The following STAB1 variants were observed in gnomAD, a reference collection of about 807,000 sequenced individuals.
The protein encoded by STAB1 is stabilin 1.
STAB1 carries 250 observed loss-of-function variants against 332.4 expected under a neutral mutation model. The ratio of observed to expected loss-of-function variants is 0.75; its 90% CI spans 0.68 to 0.84. The LOEUF (loss-of-function observed/expected upper bound fraction) is 0.84. STAB1 is among the 40% of genes least tolerant of loss of function. The probability of loss-of-function intolerance (pLI) is 0.00; values close to 1 mark genes in which losing one functional copy is unlikely to be tolerated. For synonymous variants in STAB1, 1,475 were observed against 1,390.4 expected (o/e 1.06, Z -1.35); for missense variants, 3,249 against 3,489.7 (o/e 0.93, Z 1.74).
At position 52,521,385 on chromosome 3, in the gene STAB1, C is replaced by G; in HGVS notation, c.5933C>G (p.Pro1978Arg). Residue 1978 changes from proline (P) to arginine (R), a missense_variant, in exon 56 of 69, where the codon CCT (proline) becomes CGT (arginine). Physicochemically the swap from Pro to Arg is moderately radical, Grantham distance 103. Transcript: ENST00000321725. ...GCTTGCCCTGGCGGCCCCAGCAGCC[C>G]TTGTAGTGACCGTGGCGTGTGCATG... ...CQACPGGPSS[P>R]CSDRGVCMDG... 1 of 1,613,970 alleles carries G rather than the reference C, an allele frequency of 6.2e-7. No homozygotes were observed. The highest frequency in any genetic ancestry group is 8.5e-7 in the Non-Finnish European group (1 of 1,180,008).
intron 7 of STAB1, 66 bp downstream of exon 7, chr3:52,503,175 T>C: frequency 6.6e-7 from 1 of 1,518,030 alleles, no homozygotes; most frequent in Non-Finnish European, 8.9e-7. Flanking sequence ...GAGCATCCTT[T>C]AACCCAGCAA....
chr3:52,515,041 T>C lies in STAB1; in HGVS notation c.3860T>C (p.Leu1287Pro). The change falls in exon 36 of 69, where the codon CTG becomes CCG. Residue 1287 changes from leucine to proline, a missense_variant. By Grantham distance (98) the Leu-to-Pro change is moderately conservative (BLOSUM62 -3). Transcript: ENST00000321725. ...RRFRCTQGFQ[L>P]QDTPRKSCVY... The stretch of plus-strand genomic sequence containing the variant: ...TTCCGCTGCACTCAGGGCTTCCAGC[T>C]GCAGGTGAGACTGGGCTTAGCGCAG... The C allele has an allele frequency of 6.2e-7, 1 of 1,613,464 alleles. No individual in the cohort carries two copies.
chr3:52,514,122 G>A lies in STAB1; in HGVS notation c.3455G>A (p.Gly1152Glu), dbSNP rs774278308. The change falls in exon 33 of 69, where the codon GGG (glycine) becomes GAG (glutamate). Residue 1152 changes from glycine (G) to glutamate (E), a missense_variant. Coordinates refer to ENST00000321725, the MANE Select transcript of STAB1 (RefSeq NM_015136.3). ...CCTCCACCCCATCCCTAGCACCATG[G>A]GTTGGTGCCCCAGATTGAGGCTGCC... The part of the protein sequence containing the change: ...SLFRELLQHH[G>E]LVPQIEAATA... 9 of 1,613,204 alleles carry A rather than the reference G, an allele frequency of 5.6e-6. No homozygotes were observed. The highest frequency in any genetic ancestry group is 6.8e-6 in the Non-Finnish European group (8 of 1,179,938).
intron 5 of STAB1, 87 bp from the exon 6 acceptor site, chr3:52,502,545 C>G: frequency 1.6e-6 from 2 of 1,256,184 alleles, no homozygotes; most frequent in South Asian, 2.5e-5. Context: ...GAGCTGAGTT[C>G]TAAAAATACA....
At chr3:52,500,385 G>T (rs1380142824) in intron 1 of STAB1, among the ~76,000 whole-genome samples, 2 of 152,232 alleles carry the variant, frequency 1.3e-5, no homozygotes, top group Non-Finnish European at 2.9e-5. Flanking sequence ...GGCATGGCCC[G>T]TTGTCTCCTG....
At position 52,522,139 on chromosome 3, in the gene STAB1, G is replaced by GTGA. The variant is rs763639037; in HGVS notation, c.6377_6379dup (p.Asp2126dup). 4.9e-5 allele frequency: 79 copies of GTGA among 1,612,860 alleles called. No homozygotes were observed. Among genetic ancestry groups the GTGA allele is most frequent in the Non-Finnish European group, 6.6e-5 (78 of 1,180,018 alleles). Reference sequence around the variant, plus strand: ...TGTACCTGCCTGCCCGACTACGAGGGTGATGGCTGGAGCTGCCGGGCCCGC... The same window carrying GTGA: ...TGTACCTGCCTGCCCGACTACGAGGGTGATGATGGCTGGAGCTGCCGGGCCCGC... On this transcript the variant is annotated inframe_insertion, in exon 59 of 69. Transcript: ENST00000321725.
At chr3:52,512,983 G>T in intron 29 of STAB1, 25 bp downstream of exon 29, 1 of 1,602,074 alleles carries the variant, frequency 6.2e-7, no homozygotes, top group South Asian at 1.1e-5. Flanking sequence ...GCCAGGCTGT[G>T]GGAGGGGCTT....
rs1246654139 is a variant in STAB1 at position 52,523,942 on chromosome 3, G to A, written c.7467G>A (p.Leu2489=). The change falls in exon 67 of 69, where the codon CTG becomes CTA. Residue 2489 remains leucine (L), a synonymous_variant. Coordinates refer to ENST00000321725, the MANE Select transcript of STAB1 (RefSeq NM_015136.3). ...GVGAVLAAGA[L]LGLVAGALYL... is the part of the protein sequence containing the mutation. ...GGGCTGTGCTTGCCGCTGGAGCACT[G>A]CTTGGCTTGGTGGCCGGAGCTCTCT... 6 of 1,610,696 alleles carry A rather than the reference G, an allele frequency of 3.7e-6. No homozygotes were observed. The highest frequency in any genetic ancestry group is 2.2e-5 in the South Asian group (2 of 91,010).
intron 21 of STAB1, 67 bp downstream of exon 21, chr3:52,508,426 G>T: frequency 6.6e-7 from 1 of 1,522,752 alleles, no homozygotes; most frequent in Admixed American, 1.7e-5. Flanking sequence ...GTTGGCCAGT[G>T]ACTGGCTGTG....
At chr3:52,517,273 G>A (rs772231770) in intron 42 of STAB1, 47 bp from the exon 43 acceptor site, 4 of 1,524,712 alleles carry the variant, frequency 2.6e-6, no homozygotes, top group South Asian at 1.3e-5. Flanking sequence ...ACAGAGGAAG[G>A]GGGGGGCCAC....
intron 20 of STAB1, 114 bp downstream of exon 20, chr3:52,508,140 G>A (rs1709019864): frequency 7.3e-7 from 1 of 1,369,578 alleles, no homozygotes. Context: ...ACTGCAGCCT[G>A]ACGGTGGAAA....
chr3:52,518,953 C>T, intron 48 of STAB1, 84 bp downstream of exon 48: 2 of 1,220,182 alleles, frequency 1.6e-6, no homozygotes, highest in South Asian at 1.5e-5. Flanking sequence ...ACGGCCCACG[C>T]AGTCAAGAAC....
At chr3:52,496,038 C>T (rs1175133341) in intron 1 of STAB1, among the ~76,000 whole-genome samples, 1 of 152,232 alleles carries the variant, frequency 6.6e-6, no homozygotes, top group East Asian at 1.9e-4. Context: ...GGCAGGTCCC[C>T]TTGAATCCTC....
At position 52,524,347 on chromosome 3, in the gene STAB1, A is replaced by T; in HGVS notation, c.7704A>T (p.Thr2568=). ...TCCCTGACACCCAGAGGATCCTCAC[A>T]GTCAAGTGACGAGGCTGGGGCTGAA... ...EDFPDTQRIL[T]VK is the part of the protein sequence containing the mutation. The change falls in exon 69 of 69, where the codon ACA becomes ACT. Residue 2568 remains threonine (T), a synonymous_variant. Transcript: ENST00000321725. The T allele has an allele frequency of 6.2e-7, 1 of 1,613,856 alleles. No homozygotes were observed. The highest frequency in any genetic ancestry group is 8.5e-7 in the Non-Finnish European group (1 of 1,180,002).
In STAB1 at chr3:52,522,676, T is replaced by C; in HGVS notation, c.6732T>C (p.Ser2244=). ...GAVLASFPQL[S]AAQQLGFHLC... is the part of the protein sequence containing the mutation. ...TCCTTGCTTCATTCCCTCAGCTCTC[T>C]GCTGCCCAGCAGGTGTGTGGGGCCC... Residue 2244 remains serine, a synonymous_variant, in exon 61 of 69, where the codon TCT becomes TCC. Coordinates refer to ENST00000321725, the MANE Select transcript of STAB1 (RefSeq NM_015136.3). 6.2e-7 allele frequency: 1 copy of C among 1,612,952 alleles called. No individual in the cohort carries two copies. Among genetic ancestry groups the C allele is most frequent in the Non-Finnish European group, 8.5e-7 (1 of 1,180,034 alleles).
chr3:52,515,913 C>A, intron 37 of STAB1, 130 bp from the exon 38 acceptor site: 1 of 1,050,256 alleles, frequency 9.5e-7, no homozygotes, highest in Non-Finnish European at 1.3e-6. Context: ...CTCTGAGCTG[C>A]TCATCCCTGG....
At position 52,495,398 on chromosome 3, in the gene STAB1, A is replaced by G. The variant is rs767689404; in HGVS notation, c.-16A>G. The G allele has an allele frequency of 1.3e-5, 17 of 1,336,332 alleles. No homozygotes were observed. Among genetic ancestry groups the G allele is most frequent in the Non-Finnish European group, 1.6e-5 (17 of 1,036,472 alleles). The allele number at this position is 1,336,332 out of a possible 1,614,324, so 82.8% of individuals were successfully genotyped here. ...CCTACGCCCCGACTCTGTCCTGGACAGCGTGCCCACCAGCCATGGCGGGGC... is the reference window on the plus strand; with the variant it reads ...CCTACGCCCCGACTCTGTCCTGGACGGCGTGCCCACCAGCCATGGCGGGGC... On this transcript the variant is annotated 5_prime_UTR_variant, in exon 1 of 69. Transcript: ENST00000321725.
In STAB1 at chr3:52,509,912, G is replaced by T; in HGVS notation, c.2390G>T (p.Ser797Ile). The T allele has an allele frequency of 1.2e-6, 2 of 1,613,066 alleles. No individual in the cohort carries two copies. Among genetic ancestry groups the T allele is most frequent in the Non-Finnish European group, 1.7e-6 (2 of 1,180,022 alleles). Residue 797 changes from serine (S) to isoleucine (I), a missense_variant, in exon 23 of 69, where the codon AGT (serine) becomes ATT (isoleucine). Coordinates refer to ENST00000321725, the MANE Select transcript of STAB1 (RefSeq NM_015136.3). ...GGTCTCTGCGACAACCGCCCAGGCA[G>T]TGGGGGGGTGTGCCAGCAGGGCACG... ...VHGLCDNRPG[S>I]GGVCQQGTCA... is the part of the protein sequence containing the mutation.
Position 52,504,390 on chromosome 3 carries a change from G to A in STAB1, c.1151-71G>A, listed in dbSNP as rs1234265532. On this transcript the variant is annotated intron_variant, in intron 10 of 68. Transcript: ENST00000321725. ...CCAACTCCCCCACACCAGGTCTGAT[G>A]CCCGAACATCTTCTGAGATCCCCAG... The A allele has an allele frequency of 3.9e-6, 6 of 1,539,920 alleles. No individual in the cohort carries two copies. In the African/African-American group the frequency reaches 4.1e-5, roughly 11 times the overall value.
Sources: allele counts gnomAD v4.1 joint callset (sites outside exome capture counted in the v4.1 genomes callset), GRCh38; gene constraint gnomAD v4.1.1; transcripts MANE v1.5; gene names NCBI Gene and HGNC (gene_info 2026-07-23, HGNC 2026-07-21).